Variants in HECW2 observed in about 807,000 individuals in gnomAD.
The protein encoded by HECW2 is HECT, C2 and WW domain containing E3 ubiquitin protein ligase 2.
Under a neutral mutation model 175.2 loss-of-function variants are expected in HECW2, and 61 were observed. The observed-to-expected ratio is 0.35, with a 90% confidence interval of 0.28 to 0.43. The LOEUF (loss-of-function observed/expected upper bound fraction) is 0.43, where lower values mean the gene tolerates loss of function less well. Ranked by LOEUF, HECW2 falls within the 20% of genes least tolerant of loss-of-function variation. The pLI, the probability that HECW2 is intolerant of heterozygous loss-of-function variation, is 1.00. For missense variants in HECW2, 1,524 were observed against 2,000.5 expected, an observed-to-expected ratio of 0.76 and a Z score of 4.54; for synonymous variants, 671 against 731.0, an observed-to-expected ratio of 0.92 and a Z score of 1.32.
intron 16 of HECW2, among the ~76,000 whole-genome samples, chr2:196,273,296 C>T (rs112427537): frequency 0.049 from 7,369 of 151,902 alleles, 594 homozygotes; most frequent in African/African-American, 0.17. Context: ...CTTGATCTGT[C>T]GACCTTGTGA....
chr2:196,367,557 G>A (rs1394819678), intron 2 of HECW2, among the ~76,000 whole-genome samples: 10 of 152,144 alleles, frequency 6.6e-5, no homozygotes, highest in Non-Finnish European at 1.5e-4. Flanking sequence ...TTGTCACCCT[G>A]TTGTGCTACC....
At chr2:196,398,909 G>A (rs1694743243) in intron 2 of HECW2, among the ~76,000 whole-genome samples, 1 of 152,220 alleles carries the variant, frequency 6.6e-6, no homozygotes, top group Non-Finnish European at 1.5e-5. Flanking sequence ...GAGCCCAGGA[G>A]TTAGAGGCTG....
intron 13 of HECW2, among the ~76,000 whole-genome samples, chr2:196,294,833 C>T (rs557987818): frequency 6.6e-6 from 1 of 152,234 alleles, no homozygotes; most frequent in Admixed American, 6.5e-5. Flanking sequence ...TCTCTGGGTC[C>T]CTGAGTGACC....
At chr2:196,294,846 A>G (rs80165976) in intron 13 of HECW2, among the ~76,000 whole-genome samples, 6,462 of 152,278 alleles carry the variant, frequency 0.042, 438 homozygotes, top group African/African-American at 0.15. Context: ...GAGTGACCAC[A>G]GGGACCCTGA....
chr2:196,219,969 T>A, intron 26 of HECW2, 70 bp downstream of exon 26: 10 of 1,001,970 alleles, frequency 1.0e-5, no homozygotes, highest in Non-Finnish European at 1.6e-5. Flanking sequence ...CTATATTCAG[T>A]TGGCAAGCTG....
At chr2:196,401,635 A>G (rs1694819319) in intron 2 of HECW2, among the ~76,000 whole-genome samples, 1 of 152,228 alleles carries the variant, frequency 6.6e-6, no homozygotes. Context: ...TACCTTTCAC[A>G]GATGTTTTAT....
At chr2:196,551,324 GA>G (rs1326256242) in intron 1 of HECW2, among the ~76,000 whole-genome samples, 2 of 152,202 alleles carry the variant, frequency 1.3e-5, no homozygotes, top group African/African-American at 4.8e-5. Flanking sequence ...AGGGGCAGGA[GA>G]AAGTTAAGTG....
chr2:196,282,498 C>T lies in HECW2; in HGVS notation c.3001-3836G>A, dbSNP rs573896694. Among the ~76,000 whole-genome samples, 3 of 152,156 alleles carry T rather than the reference C, an allele frequency of 2.0e-5. No homozygotes were observed. In the South Asian group the frequency reaches 6.2e-4, roughly 32 times the overall value. ...AGAGAGGGCTAAGACACCAAAAACACATGCAAGATATATGTTAGTTCAGTC... is the reference window on the plus strand; with the variant it reads ...AGAGAGGGCTAAGACACCAAAAACATATGCAAGATATATGTTAGTTCAGTC... On this transcript the variant is annotated intron_variant, in intron 14 of 28. Transcript: ENST00000644978.
intron 5 of HECW2, among the ~76,000 whole-genome samples, chr2:196,326,598 C>T (rs187176921): frequency 1.2e-3 from 189 of 152,030 alleles, no homozygotes; most frequent in African/African-American, 4.0e-3. Context: ...CACGTACCAC[C>T]ACACCCAGCG....
At chr2:196,319,957 G>A (rs972407585) in intron 8 of HECW2, 53 bp from the exon 9 acceptor site, 27 of 1,489,506 alleles carry the variant, frequency 1.8e-5, no homozygotes, top group African/African-American at 8.4e-5. Flanking sequence ...ATAAGTGAAC[G>A]TTTTATGACT....
At chr2:196,228,735 T>G (rs1298655667) in intron 21 of HECW2, among the ~76,000 whole-genome samples, 1 of 152,170 alleles carries the variant, frequency 6.6e-6, no homozygotes, top group African/African-American at 2.4e-5. Context: ...AGAAAGATAC[T>G]TCCATGAATT....
chr2:196,573,871 A>G (rs1690468332), intron 1 of HECW2, among the ~76,000 whole-genome samples: 1 of 147,650 alleles, frequency 6.8e-6, no homozygotes, highest in African/African-American at 2.5e-5. Flanking sequence ...CAACAACAAC[A>G]AAAAAAAAAC....
chr2:196,488,006 C>G (rs903169778), intron 1 of HECW2, among the ~76,000 whole-genome samples: 1 of 152,174 alleles, frequency 6.6e-6, no homozygotes, highest in Non-Finnish European at 1.5e-5. Context: ...GTTGAGATAG[C>G]TTCAAAGACT....
rs1486768870 is a variant in HECW2 at position 196,433,142 on chromosome 2, A to C, written c.282T>G (p.Leu94=). The change falls in exon 2 of 29, where the codon CTT becomes CTG. Residue 94 remains leucine, a synonymous_variant. Transcript: ENST00000644978. The part of the protein sequence containing the change: ...EEVDPSDWIG[L]YHIDENSPAN... ...TTCCACTTGACTCACCTATATGATAAAGTCCAATCCAATCACTGGGGTCCA... is the reference window on the plus strand; with the variant it reads ...TTCCACTTGACTCACCTATATGATACAGTCCAATCCAATCACTGGGGTCCA... The C allele has an allele frequency of 1.2e-6, 2 of 1,610,316 alleles. No individual in the cohort carries two copies. Among genetic ancestry groups the C allele is most frequent in the Non-Finnish European group, 1.7e-6 (2 of 1,177,270 alleles).
At chr2:196,452,839 T>C (rs1696387745) in intron 1 of HECW2, among the ~76,000 whole-genome samples, 1 of 150,570 alleles carries the variant, frequency 6.6e-6, no homozygotes, top group Non-Finnish European at 1.5e-5. Flanking sequence ...TAGCCTGGTA[T>C]ATTTCCAGAG....
chr2:196,482,951 A>G (rs1410830774), intron 1 of HECW2, among the ~76,000 whole-genome samples: 2 of 152,138 alleles, frequency 1.3e-5, no homozygotes, highest in Non-Finnish European at 2.9e-5. Context: ...TCTAACATGC[A>G]AATATAGTCC....
intron 1 of HECW2, among the ~76,000 whole-genome samples, chr2:196,445,869 T>C (rs1696168037): frequency 6.6e-6 from 1 of 152,224 alleles, no homozygotes; most frequent in African/African-American, 2.4e-5. Flanking sequence ...GAATTAGCTT[T>C]CACTACCTTC....
Position 196,319,448 on chromosome 2 carries a change from G to A in HECW2, c.1442C>T (p.Ser481Phe). The change falls in exon 9 of 29, where the codon TCC (serine) becomes TTC (phenylalanine). Residue 481 changes from serine (S) to phenylalanine (F), a missense_variant. Transcript: ENST00000644978. ...GATCAGGCCTCCCTCCTCCTCCAAG[G>A]AAGATGGGTAACCCAGGTCTTGCTG... ...EFQQDLGYPS[S>F]LEEEGGLIMF... is the part of the protein sequence containing the mutation. 1 of 1,614,022 alleles carries A rather than the reference G, an allele frequency of 6.2e-7. No homozygotes were observed.
At chr2:196,494,811 G>T (rs1296957139) in intron 1 of HECW2, among the ~76,000 whole-genome samples, 1 of 152,150 alleles carries the variant, frequency 6.6e-6, no homozygotes, top group Admixed American at 6.5e-5. Context: ...CCAGACGCAA[G>T]GTATTCCACT....
Sources: gnomAD v4.1 joint callset for allele counts (sites outside exome capture counted in the v4.1 genomes callset) on GRCh38, gnomAD v4.1.1 for gene constraint, MANE v1.5 for transcripts, NCBI Gene and HGNC (gene_info 2026-07-23, HGNC 2026-07-21) for gene names.